The following L3MBTL4 variants were observed in gnomAD, a reference collection of about 807,000 sequenced individuals.
L3MBTL4 encodes the protein lethal(3)malignant brain tumor-like protein 4.
L3MBTL4 carries 70 observed loss-of-function variants against 84.5 expected under a neutral mutation model. That is an observed-to-expected ratio of 0.83 (90% CI 0.68 to 1.01). L3MBTL4 has a LOEUF of 1.01. Ranked by LOEUF, L3MBTL4 falls within the 50% of genes least tolerant of loss-of-function variation. The pLI, the probability that L3MBTL4 is intolerant of heterozygous loss-of-function variation, is 0.00. For synonymous variants in L3MBTL4, 274 were observed against 259.8 expected (o/e 1.05, Z -0.52); for missense variants, 715 against 754.8 (o/e 0.95, Z 0.62).
At chr18:6,038,354 C>T (rs759898527) in intron 16 of L3MBTL4, among the ~76,000 whole-genome samples, 5 of 148,804 alleles carry the variant, frequency 3.4e-5, no homozygotes, top group Non-Finnish European at 7.4e-5. Flanking sequence ...CTCGGGTTCA[C>T]GCCATTCTCC....
intron 14 of L3MBTL4, among the ~76,000 whole-genome samples, chr18:6,103,369 T>A (rs566094632): frequency 6.6e-6 from 1 of 152,340 alleles, no homozygotes; most frequent in East Asian, 1.9e-4. Flanking sequence ...TATGAACATG[T>A]CAAGATTAGT....
At chr18:6,313,571 C>T (rs986101760) in intron 1 of L3MBTL4, among the ~76,000 whole-genome samples, 11 of 152,186 alleles carry the variant, frequency 7.2e-5, no homozygotes. Context: ...ATACTCTGAA[C>T]ATCTATGCAA....
chr18:6,371,505 C>T (rs1014429306), intron 1 of L3MBTL4, among the ~76,000 whole-genome samples: 1 of 152,136 alleles, frequency 6.6e-6, no homozygotes, highest in East Asian at 1.9e-4. Context: ...AAGCATAAAG[C>T]ACTGCACGAT....
intron 16 of L3MBTL4, among the ~76,000 whole-genome samples, chr18:5,985,022 G>A (rs1302714783): frequency 6.6e-6 from 1 of 151,910 alleles, no homozygotes; most frequent in African/African-American, 2.4e-5. Context: ...ACAGCACTAT[G>A]GGAAGGAGGA....
At chr18:6,391,188 G>A (rs2055035642) in intron 1 of L3MBTL4, among the ~76,000 whole-genome samples, 1 of 151,980 alleles carries the variant, frequency 6.6e-6, no homozygotes, top group South Asian at 2.1e-4. Context: ...ACATACATAA[G>A]TCAAGAAATG....
chr18:6,356,707 G>A (rs1462565883), intron 1 of L3MBTL4: 1 of 152,200 alleles, frequency 6.6e-6, no homozygotes, highest in Non-Finnish European at 1.5e-5. Flanking sequence ...TGCAGTACTG[G>A]GAGTTGCTCT....
intron 4 of L3MBTL4, among the ~76,000 whole-genome samples, chr18:6,267,089 A>G (rs2048668176): frequency 6.6e-6 from 1 of 152,086 alleles, no homozygotes; most frequent in Admixed American, 6.6e-5. Context: ...TATATACTTT[A>G]TTTCTTTTGC....
intron 12 of L3MBTL4, among the ~76,000 whole-genome samples, chr18:6,201,749 T>C (rs1245467684): frequency 6.6e-6 from 1 of 152,166 alleles, no homozygotes; most frequent in Non-Finnish European, 1.5e-5. Flanking sequence ...GACTTAATCA[T>C]TACACATTCT....
At chr18:5,965,295 T>C (rs942044724) in intron 17 of L3MBTL4, among the ~76,000 whole-genome samples, 3 of 152,244 alleles carry the variant, frequency 2.0e-5, no homozygotes, top group Non-Finnish European at 4.4e-5. Context: ...GGCCCTGCGC[T>C]AGCCTCTCTT....
intron 16 of L3MBTL4, among the ~76,000 whole-genome samples, chr18:5,981,203 A>G (rs889101552): frequency 6.6e-6 from 1 of 152,238 alleles, no homozygotes; most frequent in African/African-American, 2.4e-5. Flanking sequence ...TGTGATGATT[A>G]GAAAATATAT....
At chr18:6,354,753 T>C (rs897516708) in intron 1 of L3MBTL4, among the ~76,000 whole-genome samples, 34 of 150,172 alleles carry the variant, frequency 2.3e-4, no homozygotes, top group African/African-American at 8.5e-4. Flanking sequence ...TAAGTTAAAA[T>C]GGCTTTTATC....
rs147771333 is a variant in L3MBTL4 at position 6,333,829 on chromosome 18, C to T, written c.-90-21773G>A. On this transcript the variant is annotated intron_variant, in intron 1 of 18. Coordinates refer to ENST00000317931, the MANE Select transcript of L3MBTL4 (RefSeq NM_001330559.2). The stretch of plus-strand genomic sequence containing the variant: ...AATGTTACAATGATCTTCCCCGTAA[C>T]CCTCAAATATCAAATATTAATATGC... Among the ~76,000 whole-genome samples, 220 of 152,306 alleles carry T rather than the reference C, an allele frequency of 1.4e-3. 1 individual carries two copies. The highest frequency in any genetic ancestry group is 5.1e-3 in the African/African-American group (213 of 41,568).
In L3MBTL4 at chr18:6,316,706, G is replaced by A. The variant is rs886489790; in HGVS notation, c.-90-4650C>T. ...TTCCTAGACATGAAAACAGGTGCCT[G>A]TCTGATAGGAATAGCTGGAACATTG... On this transcript the variant is annotated intron_variant, in intron 1 of 18. Coordinates refer to ENST00000317931, the MANE Select transcript of L3MBTL4 (RefSeq NM_001330559.2). Among the ~76,000 whole-genome samples, 8 of 152,176 alleles carry A rather than the reference G, an allele frequency of 5.3e-5. No individual in the cohort carries two copies. In the East Asian group the frequency reaches 7.7e-4, roughly 15 times the overall value.
At chr18:6,253,769 T>C (rs2048024801) in intron 5 of L3MBTL4, among the ~76,000 whole-genome samples, 1 of 152,214 alleles carries the variant, frequency 6.6e-6, no homozygotes, top group Non-Finnish European at 1.5e-5. Flanking sequence ...TAAAAGTCTA[T>C]TTACTGCAAG....
In L3MBTL4 at chr18:6,341,033, A is replaced by T. The variant is rs571660719; in HGVS notation, c.-90-28977T>A. Among the ~76,000 whole-genome samples the T allele has an allele frequency of 2.7e-4, 41 of 152,228 alleles. 1 individual carries two copies. The highest frequency in any genetic ancestry group is 2.1e-4 in the Non-Finnish European group (14 of 68,010). On this transcript the variant is annotated intron_variant, in intron 1 of 18. Coordinates refer to ENST00000317931, the MANE Select transcript of L3MBTL4 (RefSeq NM_001330559.2). Reference sequence around the variant, plus strand: ...CTGTAAGAAGGAACAAGAGCAGTAGAGTATGGGCGTCCATTGATAAGGTCT... The same window carrying T: ...CTGTAAGAAGGAACAAGAGCAGTAGTGTATGGGCGTCCATTGATAAGGTCT...
intron 12 of L3MBTL4, among the ~76,000 whole-genome samples, chr18:6,181,652 T>C (rs2044477828): frequency 6.6e-6 from 1 of 152,016 alleles, no homozygotes; most frequent in Non-Finnish European, 1.5e-5. Context: ...TTTTCAATGC[T>C]CTGCCTCCTC....
chr18:6,162,740 A>C (rs2043404292), intron 13 of L3MBTL4, among the ~76,000 whole-genome samples: 1 of 152,240 alleles, frequency 6.6e-6, no homozygotes, highest in Non-Finnish European at 1.5e-5. Context: ...TGAAGCCTCC[A>C]TGCCACACAG....
chr18:5,968,852 T>C (rs947205131), intron 17 of L3MBTL4, among the ~76,000 whole-genome samples: 2 of 152,168 alleles, frequency 1.3e-5, no homozygotes, highest in Non-Finnish European at 2.9e-5. Context: ...ACTTTATAAA[T>C]GAAGCGAAGG....
At chr18:6,390,670 CA>C (rs911571887) in intron 1 of L3MBTL4, among the ~76,000 whole-genome samples, 3 of 152,164 alleles carry the variant, frequency 2.0e-5, no homozygotes, top group African/African-American at 4.8e-5. Context: ...CACAGAAATA[CA>C]AAAAATCCTT....
Sources: allele counts gnomAD v4.1 joint callset (sites outside exome capture counted in the v4.1 genomes callset), GRCh38; gene constraint gnomAD v4.1.1; transcripts MANE v1.5; gene names NCBI Gene and HGNC (gene_info 2026-07-23, HGNC 2026-07-21).